Variants in ZNF654 observed in about 807,000 individuals in gnomAD.
ZNF654 encodes the protein melanoma-associated antigen.
In ZNF654, 19 loss-of-function variants were observed where a neutral mutation model predicts 95.3. The ratio of observed to expected loss-of-function variants is 0.20; its 90% CI spans 0.14 to 0.29. The LOEUF (loss-of-function observed/expected upper bound fraction) is 0.29. ZNF654 is among the 10% of genes least tolerant of loss of function. ZNF654 has a pLI of 1.00. For synonymous variants in ZNF654, 413 were observed against 457.9 expected, an observed-to-expected ratio of 0.90 and a Z score of 1.25; for missense variants, 1,046 against 1,341.0, an observed-to-expected ratio of 0.78 and a Z score of 3.44.
intron 1 of ZNF654, among the ~76,000 whole-genome samples, chr3:88,070,165 C>T (rs1707424423): frequency 6.6e-6 from 1 of 152,078 alleles, no homozygotes; most frequent in Non-Finnish European, 1.5e-5. Context: ...ATAATTTGTA[C>T]CTTTTGACTT....
At chr3:88,130,169 A>T (rs1245146879) in intron 6 of ZNF654, among the ~76,000 whole-genome samples, 2 of 152,176 alleles carry the variant, frequency 1.3e-5, no homozygotes, top group East Asian at 3.9e-4. Context: ...TTTAAAATGT[A>T]ATATGAGTGT....
Position 88,094,322 on chromosome 3 carries a change from C to T in ZNF654, c.332+7920C>T, listed in dbSNP as rs532962686. Among the ~76,000 whole-genome samples, 55 of 152,140 alleles carry T rather than the reference C, an allele frequency of 3.6e-4. 1 individual carries two copies. The South Asian group carries it at 5.0e-3, about 14-fold the overall frequency. ...TTAGTTGTGACTAGCATCTTTTCCC[C>T]GGTAATTTTGGTCTTTATTGCTCCT... On this transcript the variant is annotated intron_variant, in intron 2 of 8. Transcript: ENST00000636215.
rs1272559119 is a variant in ZNF654, at chr3:88,059,292, C to G, written c.-28C>G. 4 of 1,531,488 alleles carry G rather than the reference C, an allele frequency of 2.6e-6. No individual in the cohort carries two copies. The highest frequency in any genetic ancestry group is 3.5e-6 in the Non-Finnish European group (4 of 1,145,976). The allele number at this position is 1,531,488 out of a possible 1,614,324, so 94.9% of individuals were successfully genotyped here. ...TACGGCGGCGGCGGCGGCGCAGGGGCTGGTACGCGCTGGGCGGCGAGAGCC... is the reference window on the plus strand; with the variant it reads ...TACGGCGGCGGCGGCGGCGCAGGGGGTGGTACGCGCTGGGCGGCGAGAGCC... On this transcript the variant is annotated 5_prime_UTR_variant, in exon 1 of 9. Coordinates refer to ENST00000636215, the MANE Select transcript of ZNF654 (RefSeq NM_001350134.2).
chr3:88,087,760 G>A (rs1304343293), intron 2 of ZNF654, among the ~76,000 whole-genome samples: 1 of 152,148 alleles, frequency 6.6e-6, no homozygotes, highest in East Asian at 1.9e-4. Flanking sequence ...ATTTATTTAG[G>A]GGAGAATGCA....
intron 8 of ZNF654, 151 bp downstream of exon 8, chr3:88,141,199 C>A (rs1208160142): frequency 1.2e-6 from 1 of 861,754 alleles, no homozygotes; most frequent in Non-Finnish European, 1.7e-6. Context: ...TTAATACATA[C>A]AACCACTATG....
chr3:88,072,481 A>T (rs144416783), intron 1 of ZNF654, among the ~76,000 whole-genome samples: 142 of 152,084 alleles, frequency 9.3e-4, no homozygotes, highest in Non-Finnish European at 1.5e-3. Flanking sequence ...ACTCACCAAC[A>T]CTAGTGTCTT....
intron 6 of ZNF654, among the ~76,000 whole-genome samples, chr3:88,133,312 A>C (rs1302707073): frequency 6.6e-6 from 1 of 152,180 alleles, no homozygotes; most frequent in Non-Finnish European, 1.5e-5. Context: ...ATTGAGATTT[A>C]GGTCTCTCTT....
intron 1 of ZNF654, among the ~76,000 whole-genome samples, chr3:88,083,310 A>C (rs569079586): frequency 6.6e-6 from 1 of 152,346 alleles, no homozygotes; most frequent in South Asian, 2.1e-4. Flanking sequence ...TATGTTGTTT[A>C]CATTTTGACA....
At chr3:88,102,474 A>G (rs1432998661) in intron 2 of ZNF654, among the ~76,000 whole-genome samples, 1 of 152,156 alleles carries the variant, frequency 6.6e-6, no homozygotes, top group Non-Finnish European at 1.5e-5. Flanking sequence ...CATTTCAGAC[A>G]TTTTATTTTT....
rs1707095183 is a variant in ZNF654, at chr3:88,141,052, A to G, written c.3379+4A>G. The G allele has an allele frequency of 5.7e-6, 9 of 1,585,418 alleles. No homozygotes were observed. The highest frequency in any genetic ancestry group is 7.7e-6 in the Non-Finnish European group (9 of 1,167,698). ...GGATTTGATTCAGATGATGAAAGTAAGTCTTCTGTCTTCTTAGTAGAGGTA... is the reference window on the plus strand; with the variant it reads ...GGATTTGATTCAGATGATGAAAGTAGGTCTTCTGTCTTCTTAGTAGAGGTA... On this transcript the variant is annotated splice_donor_region_variant and intron_variant, in intron 8 of 8. Coordinates refer to ENST00000636215, the MANE Select transcript of ZNF654 (RefSeq NM_001350134.2).
In ZNF654 at chr3:88,107,383, T is replaced by C. The variant is rs571166943; in HGVS notation, c.333-5732T>C. Among the ~76,000 whole-genome samples, 12 of 152,284 alleles carry C rather than the reference T, an allele frequency of 7.9e-5. No homozygotes were observed. In the South Asian group the frequency reaches 2.3e-3, roughly 29 times the overall value. ...TTAGACCTTTCTTTCCAATTTAATT[T>C]CCCATGTTTTTGTAAACAATCTATA... On this transcript the variant is annotated intron_variant, in intron 2 of 8. Transcript: ENST00000636215.
intron 6 of ZNF654, among the ~76,000 whole-genome samples, chr3:88,132,716 A>T (rs1706538075): frequency 2.0e-5 from 3 of 152,222 alleles, no homozygotes; most frequent in Admixed American, 2.0e-4. Context: ...AGTATATGCC[A>T]GACACTTCAC....
intron 1 of ZNF654, among the ~76,000 whole-genome samples, chr3:88,067,698 A>G (rs1347253203): frequency 2.0e-5 from 3 of 152,236 alleles, no homozygotes; most frequent in African/African-American, 7.2e-5. Context: ...TTGAATTAAC[A>G]TGGAGTCTTG....
intron 2 of ZNF654, among the ~76,000 whole-genome samples, chr3:88,101,333 A>G (rs1192957428): frequency 6.6e-6 from 1 of 152,156 alleles, no homozygotes; most frequent in Non-Finnish European, 1.5e-5. Context: ...ATCTCTATAG[A>G]GTTGCTATTT....
At position 88,143,272 on chromosome 3, in the gene ZNF654, T is replaced by G. The variant is rs1707212580; in HGVS notation, c.*1620T>G. 6.6e-6 allele frequency: 1 copy of G among 152,222 alleles called. No individual in the cohort carries two copies. The allele number at this position is 152,222 out of a possible 1,614,324, so 9.4% of individuals were successfully genotyped here. On this transcript the variant is annotated 3_prime_UTR_variant, in exon 9 of 9. Transcript: ENST00000636215. The stretch of plus-strand genomic sequence containing the variant: ...TTATTGGTTTATCATCAGCATTCAC[T>G]ACTATGCAATGATGGTCATAAGTCC...
Position 88,143,397 on chromosome 3 carries a change from A to C in ZNF654, c.*1745A>C, listed in dbSNP as rs904504131. ...AGCTCATAATTAAAATCTTTTCTTTAAGGTCAGCTAAAAAAAATGTTTCCT... is the reference window on the plus strand; with the variant it reads ...AGCTCATAATTAAAATCTTTTCTTTCAGGTCAGCTAAAAAAAATGTTTCCT... On this transcript the variant is annotated 3_prime_UTR_variant, in exon 9 of 9. Coordinates refer to ENST00000636215, the MANE Select transcript of ZNF654 (RefSeq NM_001350134.2). The C allele has an allele frequency of 9.2e-5, 14 of 152,356 alleles. No individual in the cohort carries two copies. Among genetic ancestry groups the C allele is most frequent in the African/African-American group, 3.4e-4 (14 of 41,562 alleles). 9.4% of individuals were successfully genotyped at this position (152,356 alleles called of 1,614,324 possible). A position where few individuals can be genotyped will look rare whatever the true frequency, so the allele number is the denominator to read the frequency against.
chr3:88,134,169 G>A (rs1320187791), intron 6 of ZNF654, among the ~76,000 whole-genome samples: 2 of 151,720 alleles, frequency 1.3e-5, no homozygotes, highest in Non-Finnish European at 2.9e-5. Context: ...AATGGAATTG[G>A]AATTTTGGTT....
intron 6 of ZNF654, among the ~76,000 whole-genome samples, chr3:88,130,391 A>AAT (rs1335784356): frequency 5.9e-5 from 9 of 152,284 alleles, no homozygotes; most frequent in African/African-American, 1.9e-4. Flanking sequence ...CAATTAAATT[A>AAT]ATAGCTTGAA....
intron 1 of ZNF654, among the ~76,000 whole-genome samples, chr3:88,077,097 A>G (rs1707844539): frequency 6.6e-6 from 1 of 152,228 alleles, no homozygotes; most frequent in South Asian, 2.1e-4. Flanking sequence ...TTTTATAAAC[A>G]GGAATGTAGA....
Sources: allele counts gnomAD v4.1 joint callset (sites outside exome capture counted in the v4.1 genomes callset), GRCh38; gene constraint gnomAD v4.1.1; transcripts MANE v1.5; gene names NCBI Gene and HGNC (gene_info 2026-07-23, HGNC 2026-07-21).